PPIL2: variants seen among roughly 807,000 people sequenced by gnomAD.
The protein encoded by PPIL2 is RING-type E3 ubiquitin-protein ligase PPIL2.
A neutral mutation model predicts 75.2 loss-of-function variants in PPIL2; 50 were observed. That is an observed-to-expected ratio of 0.66 (90% CI 0.53 to 0.84). PPIL2 has a LOEUF of 0.84. PPIL2 is among the 40% of genes least tolerant of loss of function. The probability of loss-of-function intolerance (pLI) is 0.00; values close to 1 mark genes in which losing one functional copy is unlikely to be tolerated. For missense variants in PPIL2, 590 were observed against 685.0 expected, an observed-to-expected ratio of 0.86 and a Z score of 1.55; for synonymous variants, 245 against 258.8, an observed-to-expected ratio of 0.95 and a Z score of 0.51.
rs117198069 is a variant in PPIL2 at position 21,691,785 on chromosome 22, T to C, written c.1140-2031T>C. ...TAATTCTGCTTCTAGTTTCCTTCAC[T>C]GTGTTAGAAATCAGCAAGAGAGGGA... On this transcript the variant is annotated intron_variant, in intron 15 of 19. Transcript: ENST00000398831. Among the ~76,000 whole-genome samples, 470 of 152,340 alleles carry C rather than the reference T, an allele frequency of 3.1e-3. 13 individuals are homozygous for C. In the East Asian group the frequency reaches 0.074, roughly 24 times the overall value.
intron 1 of PPIL2, chr22:21,669,431 G>C (rs1280031529): frequency 2.3e-6 from 1 of 434,622 alleles, no homozygotes; most frequent in South Asian, 1.6e-5. Context: ...TTATAGGTGT[G>C]AGCCACTGTG....
intron 9 of PPIL2, among the ~76,000 whole-genome samples, chr22:21,684,448 T>C (rs796603229): frequency 7.4e-4 from 68 of 91,356 alleles, no homozygotes; most frequent in African/African-American, 3.1e-3. Context: ...CGAGACTCCA[T>C]CTCCACAAAA....
chr22:21,682,599 A>AC, intron 8 of PPIL2, 73 bp downstream of exon 8: 1 of 773,492 alleles, frequency 1.3e-6, no homozygotes, highest in Non-Finnish European at 1.8e-6. Flanking sequence ...ACAGGGCCCT[A>AC]CCCCCACGTC....
Position 21,666,040 on chromosome 22 carries a change from A to C in PPIL2, c.-60A>C. 1.3e-6 allele frequency: 2 copies of C among 1,587,848 alleles called. No individual in the cohort carries two copies. The highest frequency in any genetic ancestry group is 1.7e-6 in the Non-Finnish European group (2 of 1,164,350). On this transcript the variant is annotated 5_prime_UTR_variant, in exon 1 of 20. An upstream start codon of the reference 5' UTR is lost. Transcript: ENST00000398831. Reference sequence around the variant, plus strand: ...GGTCACGGAACTCGGCTGCGGCTCCATGGTCTGAGTTGTCAGCCGTTGTTT... The same window carrying C: ...GGTCACGGAACTCGGCTGCGGCTCCCTGGTCTGAGTTGTCAGCCGTTGTTT...
At chr22:21,668,797 C>T (rs568285466) in intron 1 of PPIL2, among the ~76,000 whole-genome samples, 5,417 of 147,918 alleles carry the variant, frequency 0.037, 176 homozygotes, top group African/African-American at 0.07. Flanking sequence ...CTGCAAGCTC[C>T]GCCTCCCGGG....
intron 5 of PPIL2, 112 bp downstream of exon 5, chr22:21,672,493 G>T: frequency 1.8e-6 from 2 of 1,105,072 alleles, no homozygotes; most frequent in Non-Finnish European, 1.4e-6. Context: ...ACCGTTCATG[G>T]GGCCCAGTGA....
chr22:21,692,291 G>A (rs1364102655), intron 15 of PPIL2, among the ~76,000 whole-genome samples: 3 of 151,970 alleles, frequency 2.0e-5, no homozygotes, highest in Non-Finnish European at 4.4e-5. Flanking sequence ...TAGTAGCTGG[G>A]ACTACAGGCG....
At position 21,670,394 on chromosome 22, in the gene PPIL2, G is replaced by A; in HGVS notation, c.83-172G>A. 4.1e-6 allele frequency: 6 copies of A among 1,479,574 alleles called. No homozygotes were observed. The South Asian group carries it at 6.5e-5, about 16-fold the overall frequency. The allele number at this position is 1,479,574 out of a possible 1,614,324, so 91.7% of individuals were successfully genotyped here. On this transcript the variant is annotated intron_variant, in intron 2 of 19. Transcript: ENST00000398831. ...TTTTCCCAGTAAGTTCTTTTTTGAT[G>A]TACCCCAAGTGTTTTGGTTTATCTG...
chr22:21,696,408 C>T lies in PPIL2; in HGVS notation c.*918C>T, dbSNP rs1246293084. ...CCCTCCTGCTGAAGTGGCCTTGCTG[C>T]TCTCAGGCCCGGCCACTGGGCTCCA... On this transcript the variant is annotated 3_prime_UTR_variant, in exon 20 of 20. Coordinates refer to ENST00000398831, the MANE Select transcript of PPIL2 (RefSeq NM_014337.4). 7.3e-5 allele frequency: 85 copies of T among 1,166,178 alleles called. 1 individual carries two copies. In the South Asian group the frequency reaches 1.4e-3, roughly 20 times the overall value. 72.2% of individuals were successfully genotyped at this position (1,166,178 alleles called of 1,614,324 possible).
intron 8 of PPIL2, 103 bp downstream of exon 8, chr22:21,682,629 C>G: frequency 2.1e-6 from 2 of 957,196 alleles, no homozygotes; most frequent in Non-Finnish European, 1.6e-6. Context: ...CATATCTGTC[C>G]TCAAAGCCAC....
At chr22:21,684,230 C>T (rs1190108046) in intron 9 of PPIL2, among the ~76,000 whole-genome samples, 2 of 144,382 alleles carry the variant, frequency 1.4e-5, no homozygotes, top group Non-Finnish European at 1.5e-5. Flanking sequence ...CGGTGGGTCA[C>T]GCCTGTAATC....
intron 12 of PPIL2, 23 bp from the exon 13 acceptor site, chr22:21,687,620 C>A: frequency 7.4e-6 from 7 of 948,136 alleles, no homozygotes; most frequent in Middle Eastern, 2.5e-4. Flanking sequence ...CTGCTTCATA[C>A]AAGTATTGGG....
In PPIL2 at chr22:21,696,890, C is replaced by T. The variant is rs1457785914; in HGVS notation, c.*1400C>T. On this transcript the variant is annotated 3_prime_UTR_variant, in exon 20 of 20. Transcript: ENST00000398831. ...CACCCCATCCACTGCCACAGGCTGC[C>T]TGATGACCACTAGAGGTATGTCTGC... The T allele has an allele frequency of 1.3e-6, 2 of 1,592,138 alleles. No homozygotes were observed. Among genetic ancestry groups the T allele is most frequent in the Non-Finnish European group, 1.7e-6 (2 of 1,169,908 alleles).
Position 21,696,357 on chromosome 22 carries a change from A to C in PPIL2, c.*867A>C, listed in dbSNP as rs1318252374. 7.9e-6 allele frequency: 9 copies of C among 1,137,126 alleles called. No homozygotes were observed. Among genetic ancestry groups the C allele is most frequent in the Non-Finnish European group, 9.8e-6 (9 of 919,256 alleles). The allele number at this position is 1,137,126 out of a possible 1,614,324, so 70.4% of individuals were successfully genotyped here. ...GTTGAGGCCAGTGTCTCCTGCTGTG[A>C]GAACAAGTGGATGTCCCTCTCCCCG... On this transcript the variant is annotated 3_prime_UTR_variant, in exon 20 of 20. Transcript: ENST00000398831.
intron 2 of PPIL2, chr22:21,670,182 G>A (rs748152738): frequency 9.7e-6 from 9 of 923,522 alleles, no homozygotes; most frequent in East Asian, 2.8e-5. Flanking sequence ...AATATTCCCC[G>A]ATGCTGGGAG....
At chr22:21,684,290 T>TGAAACCCCGTCTTTACTAAA (rs1279180624) in intron 9 of PPIL2, among the ~76,000 whole-genome samples, 2 of 108,690 alleles carry the variant, frequency 1.8e-5, no homozygotes, top group South Asian at 3.2e-4. Flanking sequence ...TACAAGATTG[T>TGAAACCCCGTCTTTACTAAA]AACACAAAAA....
chr22:21,696,113 G>A lies in PPIL2; in HGVS notation c.*623G>A, dbSNP rs2067918561. The A allele has an allele frequency of 2.0e-6, 2 of 988,526 alleles. No individual in the cohort carries two copies. The highest frequency in any genetic ancestry group is 4.4e-5 in the South Asian group (1 of 22,788). 61.2% of individuals were successfully genotyped at this position (988,526 alleles called of 1,614,324 possible). A position where few individuals can be genotyped will look rare whatever the true frequency, so the allele number is the denominator to read the frequency against. ...AGTTTTCAGACCCCAGACTTACTGA[G>A]CCTAAGCCTCTGCAGGGTGGGCTTC... On this transcript the variant is annotated 3_prime_UTR_variant, in exon 20 of 20. Transcript: ENST00000398831.
At chr22:21,691,537 G>A (rs1180469232) in intron 15 of PPIL2, among the ~76,000 whole-genome samples, 2 of 151,944 alleles carry the variant, frequency 1.3e-5, no homozygotes, top group Non-Finnish European at 2.9e-5. Flanking sequence ...AAAACTAGCC[G>A]GGCATGGTGG....
At position 21,697,123 on chromosome 22, in the gene PPIL2, T is replaced by A. The variant is rs1368747265; in HGVS notation, c.*1633T>A. On this transcript the variant is annotated 3_prime_UTR_variant, in exon 20 of 20. Transcript: ENST00000398831. The stretch of plus-strand genomic sequence containing the variant: ...AGGCACTGTCCTCCGCAAGGCCTGG[T>A]GCAGCCCTGGCAGTAACTGGCTTGT... The A allele has an allele frequency of 1.3e-5, 12 of 924,534 alleles. No homozygotes were observed. The allele number at this position is 924,534 out of a possible 1,614,324, so 57.3% of individuals were successfully genotyped here.
Sources: gnomAD v4.1 joint callset for allele counts (sites outside exome capture counted in the v4.1 genomes callset) on GRCh38, gnomAD v4.1.1 for gene constraint, MANE v1.5 for transcripts, NCBI Gene and HGNC (gene_info 2026-07-23, HGNC 2026-07-21) for gene names.